ARHGAP15: variants seen among roughly 807,000 people sequenced by gnomAD.
The protein encoded by ARHGAP15 is Rho GTPase activating protein 15.
A neutral mutation model predicts 63.7 loss-of-function variants in ARHGAP15; 51 were observed. The observed-to-expected ratio is 0.80, with a 90% CI of 0.64 to 1.01. ARHGAP15 has a LOEUF of 1.01. ARHGAP15 is among the 50% of genes least tolerant of loss of function. The pLI is 0.00. For missense variants in ARHGAP15, 560 were observed against 564.6 expected, an observed-to-expected ratio of 0.99 and a Z score of 0.08; for synonymous variants, 191 against 193.8, an observed-to-expected ratio of 0.99 and a Z score of 0.12.
chr2:143,588,031 C>T lies in ARHGAP15; in HGVS notation c.1003+31546C>T, dbSNP rs139959477. Reference sequence around the variant, plus strand: ...ATTTAGAATTTTAGCCCTCTTCCTTCTTTCCAAACAGCTTATCAAAGAAGG... The same window carrying T: ...ATTTAGAATTTTAGCCCTCTTCCTTTTTTCCAAACAGCTTATCAAAGAAGG... On this transcript the variant is annotated intron_variant, in intron 11 of 13. Transcript: ENST00000295095. Among the ~76,000 whole-genome samples the T allele has an allele frequency of 1.0e-2, 1,521 of 152,270 alleles. 26 individuals carry two copies. Among genetic ancestry groups the T allele is most frequent in the African/African-American group, 0.035 (1,440 of 41,554 alleles).
intron 6 of ARHGAP15, among the ~76,000 whole-genome samples, chr2:143,276,064 C>G (rs568504779): frequency 6.6e-6 from 1 of 152,222 alleles, no homozygotes; most frequent in Admixed American, 6.5e-5. Context: ...TAGCGAGAAT[C>G]GTTCTTCCCA....
intron 13 of ARHGAP15, among the ~76,000 whole-genome samples, chr2:143,747,384 T>C (rs1487086198): frequency 1.3e-5 from 2 of 151,024 alleles, no homozygotes; most frequent in Non-Finnish European, 3.0e-5. Flanking sequence ...TATTGAGACA[T>C]TAATTAAAGT....
Position 143,526,795 on chromosome 2 carries a change from G to A in ARHGAP15, c.925+7431G>A, listed in dbSNP as rs116851248. On this transcript the variant is annotated intron_variant, in intron 10 of 13. Coordinates refer to ENST00000295095, the MANE Select transcript of ARHGAP15 (RefSeq NM_018460.4). Reference sequence around the variant, plus strand: ...ATAATAAGGCAGTCAGAGATTTTCAGATTTTTTTGCCCTAGCATTCAAAAA... The same window carrying A: ...ATAATAAGGCAGTCAGAGATTTTCAAATTTTTTTGCCCTAGCATTCAAAAA... Among the ~76,000 whole-genome samples, 46 of 152,238 alleles carry A rather than the reference G, an allele frequency of 3.0e-4. No homozygotes were observed. The East Asian group carries it at 8.7e-3, about 29-fold the overall frequency.
At chr2:143,380,219 T>C (rs1369340833) in intron 6 of ARHGAP15, among the ~76,000 whole-genome samples, 1 of 152,118 alleles carries the variant, frequency 6.6e-6, no homozygotes, top group African/African-American at 2.4e-5. Context: ...GAAGTAATAA[T>C]GTAGTATAGT....
rs116602274 is a variant in ARHGAP15 at position 143,424,735 on chromosome 2, T to C, written c.475-10866T>C. Among the ~76,000 whole-genome samples the C allele has an allele frequency of 7.4e-3, 1,123 of 152,290 alleles. 11 individuals are homozygous for C. The highest frequency in any genetic ancestry group is 0.026 in the African/African-American group (1,073 of 41,572). On this transcript the variant is annotated intron_variant, in intron 6 of 13. Transcript: ENST00000295095. The stretch of plus-strand genomic sequence containing the variant: ...TGATTTCTTTCATTGAAAACCATTA[T>C]GTGTCCCATCTTGAATCCTTATGTA...
intron 6 of ARHGAP15, among the ~76,000 whole-genome samples, chr2:143,361,149 GA>G (rs1638793547): frequency 7.9e-6 from 1 of 126,684 alleles, no homozygotes; most frequent in African/African-American, 3.0e-5. Context: ...GTGAGTAGCA[GA>G]AGTGATCTAC....
intron 11 of ARHGAP15, among the ~76,000 whole-genome samples, chr2:143,588,329 G>T (rs968559069): frequency 6.6e-6 from 1 of 151,978 alleles, no homozygotes; most frequent in Admixed American, 6.6e-5. Flanking sequence ...ATCCCAATTT[G>T]CTTTTGTGAG....
At chr2:143,756,656 AT>A (rs1474295978) in intron 13 of ARHGAP15, among the ~76,000 whole-genome samples, 21 of 152,182 alleles carry the variant, frequency 1.4e-4, no homozygotes, top group Admixed American at 5.9e-4. Flanking sequence ...AAAAAAAAAA[AT>A]AACTGAAATA....
chr2:143,388,295 T>C (rs1222386926), intron 6 of ARHGAP15, among the ~76,000 whole-genome samples: 1 of 152,174 alleles, frequency 6.6e-6, no homozygotes, highest in Non-Finnish European at 1.5e-5. Context: ...ACTTGATAAA[T>C]AAGTTGCTAA....
intron 5 of ARHGAP15, among the ~76,000 whole-genome samples, chr2:143,244,813 A>C (rs1297006222): frequency 6.6e-6 from 1 of 152,242 alleles, no homozygotes; most frequent in African/African-American, 2.4e-5. Context: ...AAGAGGTAGA[A>C]GAATTCTTGT....
At chr2:143,131,013 T>G (rs964221256) in intron 1 of ARHGAP15, among the ~76,000 whole-genome samples, 5 of 152,196 alleles carry the variant, frequency 3.3e-5, no homozygotes, top group Admixed American at 6.5e-5. Context: ...AATATGCAGA[T>G]AAACATCTGG....
intron 8 of ARHGAP15, among the ~76,000 whole-genome samples, chr2:143,484,517 G>T (rs949825820): frequency 1.2e-4 from 18 of 151,988 alleles, no homozygotes; most frequent in Non-Finnish European, 2.4e-4. Context: ...AAGTGACAGG[G>T]TAATGATTAT....
At chr2:143,280,669 A>G (rs966930647) in intron 6 of ARHGAP15, among the ~76,000 whole-genome samples, 2 of 152,112 alleles carry the variant, frequency 1.3e-5, no homozygotes, top group African/African-American at 4.8e-5. Context: ...TTATCTGTCT[A>G]TGGTGCCTTC....
chr2:143,171,944 T>C (rs924989168), intron 2 of ARHGAP15: 1 of 152,166 alleles, frequency 6.6e-6, no homozygotes, highest in Non-Finnish European at 1.5e-5. Context: ...TTATCATTTT[T>C]CTCCACTCAC....
At chr2:143,181,146 C>CT (rs961374281) in intron 2 of ARHGAP15, among the ~76,000 whole-genome samples, 14 of 151,506 alleles carry the variant, frequency 9.2e-5, no homozygotes, top group South Asian at 2.1e-4. Context: ...TGAAAGGAAT[C>CT]TTTTTTTTTG....
chr2:143,586,197 A>G (rs1022996845), intron 11 of ARHGAP15, among the ~76,000 whole-genome samples: 7 of 152,138 alleles, frequency 4.6e-5, no homozygotes, highest in African/African-American at 1.4e-4. Flanking sequence ...CCATATGGCT[A>G]TATTTTTAAT....
At chr2:143,510,857 G>A (rs535505922) in intron 9 of ARHGAP15, among the ~76,000 whole-genome samples, 16 of 152,324 alleles carry the variant, frequency 1.1e-4, no homozygotes, top group African/African-American at 3.4e-4. Flanking sequence ...TAGAATCGCT[G>A]CAATGGCCCT....
chr2:143,621,713 T>C (rs1319407209), intron 11 of ARHGAP15, among the ~76,000 whole-genome samples: 1 of 152,180 alleles, frequency 6.6e-6, no homozygotes, highest in Non-Finnish European at 1.5e-5. Context: ...GTATTTTAAG[T>C]AGATATAATC....
chr2:143,362,444 T>C (rs1686102726), intron 6 of ARHGAP15, among the ~76,000 whole-genome samples: 1 of 152,200 alleles, frequency 6.6e-6, no homozygotes, highest in Non-Finnish European at 1.5e-5. Context: ...GTCCTCCTCT[T>C]CACCTCTTAT....
Sources: gnomAD v4.1 joint callset for allele counts (sites outside exome capture counted in the v4.1 genomes callset) on GRCh38, gnomAD v4.1.1 for gene constraint, MANE v1.5 for transcripts, NCBI Gene and HGNC (gene_info 2026-07-23, HGNC 2026-07-21) for gene names.